Variants in MCF2 observed in about 807,000 individuals in gnomAD.
The protein encoded by MCF2 is proto-oncogene DBL.
In MCF2, 44 loss-of-function variants were observed where a neutral mutation model predicts 82.5. That is an observed-to-expected ratio of 0.53 (90% CI 0.42 to 0.69). The LOEUF is 0.69. Among genes scored for constraint, MCF2 ranks in the 30% least tolerant of loss-of-function variants. The probability of loss-of-function intolerance (pLI) is 0.00; values close to 1 mark genes in which losing one functional copy is unlikely to be tolerated. For synonymous variants in MCF2, 217 were observed against 224.9 expected (o/e 0.96, Z 0.32); for missense variants, 623 against 663.1 (o/e 0.94, Z 0.66).
At chrX:139,699,510 C>G (rs1181338133) in intron 1 of MCF2, among the ~76,000 whole-genome samples, 1 of 111,994 alleles carries the variant, frequency 8.9e-6, no homozygotes, top group African/African-American at 3.2e-5. Context: ...TCTTAAGGCC[C>G]CACATCACCA....
intron 1 of MCF2, among the ~76,000 whole-genome samples, chrX:139,670,976 T>C (rs1001345229): frequency 3.6e-5 from 4 of 111,673 alleles, no homozygotes; most frequent in Admixed American, 9.5e-5. Context: ...CAGCATCTGT[T>C]GTTTCCTGAC....
chrX:139,688,260 A>G (rs771682717), intron 1 of MCF2, among the ~76,000 whole-genome samples: 1 of 111,797 alleles, frequency 8.9e-6, no homozygotes, highest in East Asian at 2.8e-4. Flanking sequence ...TATAAGGACA[A>G]TCTTAACCCA....
chrX:139,666,650 T>G lies in MCF2; in HGVS notation c.-44-14862A>C, dbSNP rs773295413. ...CTGTGGTTAGAATTCACTCCTTATC[T>G]TTGACTTAAGAAAGTCAGAATATAA... On this transcript the variant is annotated intron_variant, in intron 1 of 27. Transcript: ENST00000414978. 3.1e-3 allele frequency among the ~76,000 whole-genome samples: 341 copies of G among 111,488 alleles called. 1 individual carries two copies. Among genetic ancestry groups the G allele is most frequent in the Non-Finnish European group, 4.7e-3 (247 of 53,081 alleles).
At chrX:139,700,097 C>G (rs759764097) in intron 1 of MCF2, among the ~76,000 whole-genome samples, 1 of 111,582 alleles carries the variant, frequency 9.0e-6, no homozygotes, top group Admixed American at 9.6e-5. Context: ...TAAATTTAGA[C>G]TAGGGTGTGG....
chrX:139,642,919 G>A (rs760945355), upstream of MCF2: 141 of 654,611 alleles, frequency 2.2e-4, no homozygotes, highest in African/African-American at 2.8e-3. Flanking sequence ...TCTCCTCTGC[G>A]CAGTTTGATT....
intron 1 of MCF2, among the ~76,000 whole-genome samples, chrX:139,669,480 G>A (rs1426884063): frequency 8.9e-6 from 1 of 112,380 alleles, no homozygotes; most frequent in African/African-American, 3.2e-5. Context: ...ACGGAATAGA[G>A]TTTTGCAATT....
chrX:139,604,645 C>T, intron 15 of MCF2, 36 bp downstream of exon 19: 1 of 913,801 alleles, frequency 1.1e-6, no homozygotes, highest in Non-Finnish European at 1.5e-6. Flanking sequence ...TTTGGTGGTG[C>T]ATATTTATAT....
At chrX:139,599,129 C>T (rs1930336054) in intron 16 of MCF2, among the ~76,000 whole-genome samples, 1 of 108,605 alleles carries the variant, frequency 9.2e-6, no homozygotes, top group Non-Finnish European at 1.9e-5. Flanking sequence ...GAAAAATACG[C>T]CTGAATAAGA....
chrX:139,587,867 T>TCA (rs3830799), intron 21 of MCF2, 79 bp from the exon 26 acceptor site: 7,705 of 459,078 alleles, frequency 0.017, 46 homozygotes, highest in African/African-American at 0.043. Context: ...TTTCTCTCTC[T>TCA]CACACACACA....
chrX:139,586,450 C>G (rs1369037378), exon 23 of MCF2: 13 of 1,205,906 alleles, frequency 1.1e-5, no homozygotes, highest in Non-Finnish European at 1.3e-5. Context: ...TGTTCCAATT[C>G]AGTTTCCTCA....
upstream of MCF2, among the ~76,000 whole-genome samples, chrX:139,644,552 T>C (rs996733071): frequency 2.7e-5 from 3 of 112,474 alleles, no homozygotes; most frequent in Admixed American, 2.8e-4. Context: ...AGGAAACCAC[T>C]TTTTGCTTAT....
At chrX:139,637,641 A>T (rs1222139530) in intron 1 of MCF2, among the ~76,000 whole-genome samples, 1 of 111,857 alleles carries the variant, frequency 8.9e-6, no homozygotes, top group East Asian at 2.8e-4. Context: ...GCCCATAAAG[A>T]GCACTATTAT....
intron 10 of MCF2, 34 bp from the exon 15 acceptor site, chrX:139,610,372 C>A: frequency 1.9e-6 from 2 of 1,045,710 alleles, no homozygotes; most frequent in Non-Finnish European, 1.3e-6. Context: ...AATTTCAAAC[C>A]AGAATTAAAG....
intron 1 of MCF2, among the ~76,000 whole-genome samples, chrX:139,684,511 A>G (rs1231817762): frequency 8.9e-6 from 1 of 112,185 alleles, no homozygotes; most frequent in Non-Finnish European, 1.9e-5. Flanking sequence ...ATATGTCCAC[A>G]TAAAAACTTG....
intron 1 of MCF2, among the ~76,000 whole-genome samples, chrX:139,652,340 G>A (rs774035981): frequency 9.0e-5 from 10 of 111,419 alleles, no homozygotes; most frequent in African/African-American, 1.6e-4. Context: ...CCATGCAAAC[G>A]CGGGCAAGTT....
chrX:139,586,352 C>T (rs1928957479), intron 23 of MCF2, 26 bp downstream of exon 27: 1 of 1,095,367 alleles, frequency 9.1e-7, no homozygotes, highest in Admixed American at 2.2e-5. Flanking sequence ...CCATGAGTCT[C>T]GTCTTAAGAT....
At chrX:139,671,831 T>C (rs1934705606) in intron 1 of MCF2, among the ~76,000 whole-genome samples, 1 of 111,909 alleles carries the variant, frequency 8.9e-6, no homozygotes, top group Admixed American at 9.5e-5. Flanking sequence ...TTTAAAGTAG[T>C]TTTTTCCAAT....
At chrX:139,685,426 T>C (rs1335161178) in intron 1 of MCF2, among the ~76,000 whole-genome samples, 1 of 111,352 alleles carries the variant, frequency 9.0e-6, no homozygotes, top group Non-Finnish European at 1.9e-5. Context: ...ACAGACATTG[T>C]ATAGAAAAGC....
chrX:139,611,874 G>T (rs1300959774), intron 10 of MCF2, among the ~76,000 whole-genome samples: 1 of 110,852 alleles, frequency 9.0e-6, no homozygotes, highest in Admixed American at 9.7e-5. Context: ...TCTGATAGAG[G>T]AGTAGAAGCT....
Sources: gnomAD v4.1 joint callset for allele counts (sites outside exome capture counted in the v4.1 genomes callset) on GRCh38, gnomAD v4.1.1 for gene constraint, MANE v1.5 for transcripts, NCBI Gene and HGNC (gene_info 2026-07-23, HGNC 2026-07-21) for gene names.